KIAA1958: variants seen among roughly 807,000 people sequenced by gnomAD.
KIAA1958 encodes uncharacterized protein KIAA1958.
In KIAA1958, 14 loss-of-function variants were observed where a neutral mutation model predicts 47.2. That is an observed-to-expected ratio of 0.30 (90% confidence interval 0.20 to 0.46). The LOEUF (loss-of-function observed/expected upper bound fraction) is 0.46, where lower values mean the gene tolerates loss of function less well. Among genes scored for constraint, KIAA1958 ranks in the 20% least tolerant of loss-of-function variants. The pLI is 1.00. For missense variants in KIAA1958, 803 were observed against 909.2 expected (o/e 0.88, Z 1.50); for synonymous variants, 354 against 353.3 (o/e 1.00, Z -0.02).
chr9:112,576,386 CTTTT>C (rs1835645815), intron 2 of KIAA1958, among the ~76,000 whole-genome samples: 1 of 152,066 alleles, frequency 6.6e-6, no homozygotes, highest in African/African-American at 2.4e-5. Context: ...AAAATTCACT[CTTTT>C]AAAGTGTACA....
intron 2 of KIAA1958, among the ~76,000 whole-genome samples, chr9:112,597,907 G>A (rs1836060918): frequency 6.6e-6 from 1 of 152,052 alleles, no homozygotes; most frequent in South Asian, 2.1e-4. Flanking sequence ...TAACTAATGA[G>A]TGCCTGCTAT....
intron 1 of KIAA1958, among the ~76,000 whole-genome samples, chr9:112,550,315 A>G (rs1240663580): frequency 2.6e-5 from 4 of 152,228 alleles, no homozygotes; most frequent in Non-Finnish European, 4.4e-5. Context: ...TTACCCATCT[A>G]GTGAGGATCA....
At chr9:112,515,268 C>T (rs1274858960) in intron 1 of KIAA1958, among the ~76,000 whole-genome samples, 3 of 108,990 alleles carry the variant, frequency 2.8e-5, no homozygotes, top group Non-Finnish European at 6.0e-5. Context: ...GTGGGGGGGT[C>T]AGCCCCCCTG....
chr9:112,561,245 G>A (rs919163665), intron 1 of KIAA1958, among the ~76,000 whole-genome samples: 2 of 151,832 alleles, frequency 1.3e-5, no homozygotes, highest in African/African-American at 2.4e-5. Context: ...TAGTAGAGAC[G>A]GGGTTTCACC....
At chr9:112,569,831 C>G (rs762765157) in intron 1 of KIAA1958, among the ~76,000 whole-genome samples, 1 of 152,048 alleles carries the variant, frequency 6.6e-6, no homozygotes, top group African/African-American at 2.4e-5. Flanking sequence ...ACCACATTGG[C>G]CAGGCTGGTC....
At chr9:112,493,195 C>T (rs945414380) in intron 1 of KIAA1958, among the ~76,000 whole-genome samples, 6 of 150,978 alleles carry the variant, frequency 4.0e-5, no homozygotes, top group Non-Finnish European at 5.9e-5. Flanking sequence ...GGTCTTGCTG[C>T]TCTCATGGTA....
At chr9:112,535,790 T>C (rs142189462) in intron 1 of KIAA1958, among the ~76,000 whole-genome samples, 220 of 152,304 alleles carry the variant, frequency 1.4e-3, no homozygotes, top group South Asian at 2.5e-3. Flanking sequence ...AGGCATGAGA[T>C]ATTATCTCCT....
intron 1 of KIAA1958, among the ~76,000 whole-genome samples, chr9:112,556,921 T>A (rs1835251970): frequency 2.0e-5 from 3 of 152,140 alleles, no homozygotes; most frequent in Non-Finnish European, 4.4e-5. Flanking sequence ...TGGGTAGACA[T>A]ATTTCAGATC....
In KIAA1958 at chr9:112,603,839, G is replaced by A. The variant is rs146997770; in HGVS notation, c.1171+28588G>A. ...CAACTTCATAAATATAAATCTGCTC[G>A]CCAGATTTCTTTTTACTTTTCAAAT... On this transcript the variant is annotated intron_variant, in intron 2 of 3. Transcript: ENST00000337530. 1.5e-3 allele frequency among the ~76,000 whole-genome samples: 233 copies of A among 152,190 alleles called. 2 individuals carry two copies. The highest frequency in any genetic ancestry group is 3.0e-3 in the Non-Finnish European group (206 of 68,008).
chr9:112,615,557 T>G (rs1836395649), intron 2 of KIAA1958, among the ~76,000 whole-genome samples: 1 of 152,212 alleles, frequency 6.6e-6, no homozygotes, highest in South Asian at 2.1e-4. Context: ...AGCTGCTACT[T>G]TATCTTGAGC....
At chr9:112,600,466 G>A (rs994387415) in intron 2 of KIAA1958, among the ~76,000 whole-genome samples, 9 of 152,144 alleles carry the variant, frequency 5.9e-5, no homozygotes, top group Non-Finnish European at 1.3e-4. Flanking sequence ...TTAAAGGGGA[G>A]CATTCTCTGA....
At chr9:112,607,156 A>C (rs1412101943) in intron 2 of KIAA1958, among the ~76,000 whole-genome samples, 1 of 152,088 alleles carries the variant, frequency 6.6e-6, no homozygotes, top group Non-Finnish European at 1.5e-5. Context: ...CAGGGGTTCC[A>C]GACCAGCCTG....
rs1435748574 is a variant in KIAA1958, at chr9:112,664,199, C to T, written c.*4130C>T. On this transcript the variant is annotated 3_prime_UTR_variant, in exon 4 of 4. Coordinates refer to ENST00000337530, the MANE Select transcript of KIAA1958 (RefSeq NM_133465.4). ...AGTGCTTCTCACTATATTGGGATGC[C>T]TTCTTTAGGAATAAGACTTTCCTTT... The T allele has an allele frequency of 6.6e-6, 1 of 152,200 alleles. No homozygotes were observed. Among genetic ancestry groups the T allele is most frequent in the African/African-American group, 2.4e-5 (1 of 41,440 alleles). 9.4% of individuals were successfully genotyped at this position (152,200 alleles called of 1,614,324 possible). A position where few individuals can be genotyped will look rare whatever the true frequency, so the allele number is the denominator to read the frequency against.
At chr9:112,583,787 A>T (rs1835775731) in intron 2 of KIAA1958, among the ~76,000 whole-genome samples, 1 of 152,232 alleles carries the variant, frequency 6.6e-6, no homozygotes, top group Admixed American at 6.5e-5. Context: ...TTAAACATGG[A>T]CTGGAAGGAG....
chr9:112,571,095 G>T (rs1835526041), intron 1 of KIAA1958, among the ~76,000 whole-genome samples: 1 of 131,414 alleles, frequency 7.6e-6, no homozygotes, highest in Admixed American at 7.4e-5. Context: ...CAATATTCAG[G>T]CGAGATCTTC....
intron 2 of KIAA1958, among the ~76,000 whole-genome samples, chr9:112,619,669 A>G (rs900087904): frequency 6.6e-6 from 1 of 152,182 alleles, no homozygotes; most frequent in Non-Finnish European, 1.5e-5. Flanking sequence ...TACATAGCTC[A>G]TTTTAACTAT....
chr9:112,489,031 T>C (rs1410746876), intron 1 of KIAA1958, among the ~76,000 whole-genome samples: 1 of 152,230 alleles, frequency 6.6e-6, no homozygotes, highest in Non-Finnish European at 1.5e-5. Flanking sequence ...ATTAGGTAAA[T>C]GAATTTAAAT....
intron 1 of KIAA1958, among the ~76,000 whole-genome samples, chr9:112,508,502 A>G (rs540660188): frequency 6.6e-6 from 1 of 152,366 alleles, no homozygotes; most frequent in Admixed American, 6.5e-5. Flanking sequence ...CATTGTTGGA[A>G]CACCCTAAGA....
chr9:112,593,091 C>T (rs1445270536), intron 2 of KIAA1958, among the ~76,000 whole-genome samples: 3 of 152,104 alleles, frequency 2.0e-5, no homozygotes, highest in Non-Finnish European at 2.9e-5. Flanking sequence ...ACTTTTTATT[C>T]TATGTACTTT....
Sources: allele counts gnomAD v4.1 joint callset (sites outside exome capture counted in the v4.1 genomes callset), GRCh38; gene constraint gnomAD v4.1.1; transcripts MANE v1.5; gene names NCBI Gene and HGNC (gene_info 2026-07-23, HGNC 2026-07-21).